GPAT2: variants seen among roughly 807,000 people sequenced by gnomAD.
The protein encoded by GPAT2 is 1-acylglycerol-3-phosphate O-acyltransferase GPAT2.
A neutral mutation model predicts 71.0 loss-of-function variants in GPAT2; 51 were observed. The ratio of observed to expected loss-of-function variants is 0.72; its 90% CI spans 0.57 to 0.91. The LOEUF (loss-of-function observed/expected upper bound fraction) is 0.91, where lower values mean the gene tolerates loss of function less well. Ranked by LOEUF, GPAT2 falls within the 40% of genes least tolerant of loss-of-function variation. The pLI is 0.00. For synonymous variants in GPAT2, 222 were observed against 290.3 expected, an observed-to-expected ratio of 0.76 and a Z score of 2.39; for missense variants, 511 against 666.0, an observed-to-expected ratio of 0.77 and a Z score of 2.56.
rs768845945 is a variant in GPAT2 at position 96,023,352 on chromosome 2, C to T, written c.2003G>A (p.Ser668Asn). ...LWKPSGDFTDSDSDDFGEADG... is the reference protein window; with the variant it reads ...LWKPSGDFTDNDSDDFGEADG... ...AGCCTCTCCGAAGTCATCACTGTCA[C>T]TATCAGTAAAGTCCCCACTCGGTTT... The change falls in exon 18 of 22, where the codon AGT becomes AAT. Residue 668 changes from serine to asparagine, a missense_variant. By Grantham distance (46) the Ser-to-Asn change is conservative (BLOSUM62 1). Coordinates refer to ENST00000434632, the MANE Select transcript of GPAT2 (RefSeq NM_001321527.2). 1 of 1,614,226 alleles carries T rather than the reference C, an allele frequency of 6.2e-7. No homozygotes were observed. Among genetic ancestry groups the T allele is most frequent in the Non-Finnish European group, 8.5e-7 (1 of 1,180,030 alleles).
At chr2:96,024,992 C>T in intron 13 of GPAT2, 149 bp from the exon 14 acceptor site, 1 of 919,474 alleles carries the variant, frequency 1.1e-6, no homozygotes. Context: ...TTTATCATCA[C>T]ACAGGCTGAG....
In GPAT2 at chr2:96,025,913, C is replaced by T. The variant is rs142763165; in HGVS notation, c.1238+17G>A. 6.2e-3 allele frequency: 9,958 copies of T among 1,610,846 alleles called. 98 individuals are homozygous for T. Among genetic ancestry groups the T allele is most frequent in the Non-Finnish European group, 5.2e-3 (6,099 of 1,178,784 alleles). ...GCTTGCCTTGCCCCCTGAGACCCCA[C>T]GCTCCTGTGCCCCTACCATTGGCCC... is the stretch of plus-strand genomic sequence containing the variant. On this transcript the variant is annotated intron_variant, in intron 12 of 21. Coordinates refer to ENST00000434632, the MANE Select transcript of GPAT2 (RefSeq NM_001321527.2).
intron 12 of GPAT2, 70 bp from the exon 13 acceptor site, chr2:96,025,673 T>C: frequency 7.4e-7 from 1 of 1,354,762 alleles, no homozygotes; most frequent in Non-Finnish European, 1.0e-6. Flanking sequence ...TGCCTAGAGC[T>C]TTCTAAAAGG....
rs140619742 is a variant in GPAT2 at position 96,024,856 on chromosome 2, G to A, written c.1358-13C>T. On this transcript the variant is annotated splice_polypyrimidine_tract_variant and intron_variant, in intron 13 of 21. Coordinates refer to ENST00000434632, the MANE Select transcript of GPAT2 (RefSeq NM_001321527.2). ...CTCCCTACACTGGCTGGAGTGGGGC[G>A]GGGGGTGGAGATGCTGGTCAGGTTG... 4.4e-5 allele frequency: 71 copies of A among 1,611,840 alleles called. No homozygotes were observed. The highest frequency in any genetic ancestry group is 6.7e-5 in the African/African-American group (5 of 74,858).
At position 96,023,980 on chromosome 2, in the gene GPAT2, G is replaced by C; in HGVS notation, c.1857C>G (p.Cys619Trp). 1 of 1,604,520 alleles carries C rather than the reference G, an allele frequency of 6.2e-7. No homozygotes were observed. The highest frequency in any genetic ancestry group is 8.5e-7 in the Non-Finnish European group (1 of 1,175,792). The change falls in exon 17 of 22, where the codon TGC (cysteine) becomes TGG (tryptophan). Residue 619 changes from cysteine (C) to tryptophan (W), a missense_variant. By Grantham distance (215) the Cys-to-Trp change is radical. Transcript: ENST00000434632. The part of the protein sequence containing the change: ...LLLKPCQSSY[C>W]YCQEVLDRLI... ...GCCGGTCCAGCACCTCCTGACAGTA[G>C]CAGTAGGAAGACTGGCAGGGCTGGG...
chr2:96,024,137 A>G (rs2104617262), intron 16 of GPAT2, 52 bp downstream of exon 16: 2 of 1,522,294 alleles, frequency 1.3e-6, no homozygotes, highest in Non-Finnish European at 1.8e-6. Context: ...GGCCATTCCT[A>G]CCACCAAGAG....
At chr2:96,023,889 A>C in intron 17 of GPAT2, 34 bp downstream of exon 17, 4 of 1,554,440 alleles carry the variant, frequency 2.6e-6, no homozygotes, top group Non-Finnish European at 3.5e-6. Flanking sequence ...GCCAGGCTCC[A>C]GGCAAGGATC....
chr2:96,026,742 G>T lies in GPAT2; in HGVS notation c.987C>A (p.Ala329=). The part of the protein sequence containing the change: ...IVPDALLVPV[A]VTYDLVPDAP... ...CATCCGGAACCAGGTCATAGGTGAC[G>T]GCCACTGGTACCAGCAGAGCATCTG... Residue 329 remains alanine (A), a synonymous_variant, in exon 10 of 22, where the codon GCC becomes GCA. Coordinates refer to ENST00000434632, the MANE Select transcript of GPAT2 (RefSeq NM_001321527.2). 1.5e-5 allele frequency: 1 copy of T among 66,956 alleles called. No individual in the cohort carries two copies. Among genetic ancestry groups the T allele is most frequent in the Non-Finnish European group, 2.4e-5 (1 of 40,888 alleles). The allele number at this position is 66,956 out of a possible 1,614,324, so 4.1% of individuals were successfully genotyped here. A position where few individuals can be genotyped will look rare whatever the true frequency, so the allele number is the denominator to read the frequency against.
rs1421478683 is a variant in GPAT2, at chr2:96,026,434, C to T, written c.1033-129G>A. 44 of 843,328 alleles carry T rather than the reference C, an allele frequency of 5.2e-5. No homozygotes were observed. In the African/African-American group the frequency reaches 7.8e-4, roughly 15 times the overall value. The allele number at this position is 843,328 out of a possible 1,614,324, so 52.2% of individuals were successfully genotyped here. A position where few individuals can be genotyped will look rare whatever the true frequency, so the allele number is the denominator to read the frequency against. On this transcript the variant is annotated intron_variant, in intron 10 of 21. Transcript: ENST00000434632. ...ACCCTGCTCAGTTTTATCTCAGGCC[C>T]AAACTGGTGCGTGACCTTGTCCCAA...
rs371035222 is a variant in GPAT2, at chr2:96,023,372, C to T, written c.1983G>A (p.Pro661=). 5.8e-5 allele frequency: 93 copies of T among 1,614,084 alleles called. No individual in the cohort carries two copies. In the African/African-American group the frequency reaches 9.1e-4, roughly 16 times the overall value. Residue 661 remains proline, a synonymous_variant, in exon 18 of 22, where the codon CCG becomes CCA. Coordinates refer to ENST00000434632, the MANE Select transcript of GPAT2 (RefSeq NM_001321527.2). ...QRLSRKLLWK[P]SGDFTDSDSD... ...TGTCACTATCAGTAAAGTCCCCACT[C>T]GGTTTCCACAGCAGCTTTCTGCTCA...
chr2:96,024,837 A>G lies in GPAT2; in HGVS notation c.1364T>C (p.Val455Ala), dbSNP rs1022605020. Residue 455 changes from valine to alanine, a missense_variant, in exon 14 of 22, where the codon GTA becomes GCA. Physicochemically the swap from Val to Ala is moderately conservative, Grantham distance 64 (BLOSUM62 0). Coordinates refer to ENST00000434632, the MANE Select transcript of GPAT2 (RefSeq NM_001321527.2). ...RLSCHVLSAS[V>A]GSSAVMSTAI... ...CGTGCTCATCACCGCAGAGCTCCCT[A>G]CACTGGCTGGAGTGGGGCGGGGGGT... 6 of 1,612,880 alleles carry G rather than the reference A, an allele frequency of 3.7e-6. No homozygotes were observed. The African/African-American group carries it at 4.0e-5, about 11-fold the overall frequency.
At chr2:96,031,931 G>C (rs897553128) in intron 3 of GPAT2, 102 bp downstream of exon 3, 1 of 1,335,096 alleles carries the variant, frequency 7.5e-7, no homozygotes, top group Non-Finnish European at 1.0e-6. Context: ...GCATGGGGCA[G>C]GGAAGAGCCA....
intron 13 of GPAT2, 107 bp downstream of exon 13, chr2:96,025,378 A>G (rs538606052): frequency 3.9e-5 from 54 of 1,395,320 alleles, no homozygotes; most frequent in Middle Eastern, 2.6e-4. Flanking sequence ...ATCACAGAGC[A>G]CCTCAGGTGC....
In GPAT2 at chr2:96,026,183, C is replaced by G. The variant is rs1680384131; in HGVS notation, c.1155G>C (p.Gln385His). ...CAGCCTTCCCCAGCTGGCTCCATAC[C>G]TGCAGGGAAAAGGGCTGAGCTAGGT... ...RVHLAQPFSL[Q>H]EYIVSARSCW... The change falls in exon 11 of 22, where the codon CAG becomes CAC. Residue 385 changes from glutamine to histidine, a missense_variant and splice_region_variant. Physicochemically the swap from Gln to His is conservative, Grantham distance 24. Around this residue, in one of 7 missense-constraint regions of GPAT2, gnomAD observed 79 missense variants for 111.4 expected, o/e 0.71. Coordinates refer to ENST00000434632, the MANE Select transcript of GPAT2 (RefSeq NM_001321527.2). 1 of 1,604,732 alleles carries G rather than the reference C, an allele frequency of 6.2e-7. No homozygotes were observed. The highest frequency in any genetic ancestry group is 2.2e-5 in the East Asian group (1 of 44,758).
chr2:96,022,993 A>C lies in GPAT2; in HGVS notation c.2198T>G (p.Phe733Cys), dbSNP rs1053971939. 1.2e-5 allele frequency: 20 copies of C among 1,613,814 alleles called. No homozygotes were observed. In the Admixed American group the frequency reaches 2.0e-4, roughly 16 times the overall value. ...ELGYTEQLFQ[F>C]LQATAQEEGI... The stretch of plus-strand genomic sequence containing the variant: ...TTCTTCCTGGGCGGTGGCCTGCAGG[A>C]ACTGGAACAGCTGCTCTGTGTAGCC... The change falls in exon 20 of 22, where the codon TTC becomes TGC. Residue 733 changes from phenylalanine to cysteine, a missense_variant. Phe to Cys is a radical substitution (Grantham distance 205). Around this residue, in one of 7 missense-constraint regions of GPAT2, gnomAD observed 108 missense variants for 117.6 expected, o/e 0.92. Transcript: ENST00000434632.
chr2:96,024,073 C>G lies in GPAT2; in HGVS notation c.1837-73G>C, dbSNP rs528448646. 471 of 1,594,270 alleles carry G rather than the reference C, an allele frequency of 3.0e-4. 1 individual carries two copies. Among genetic ancestry groups the G allele is most frequent in the South Asian group, 3.9e-4 (34 of 88,242 alleles). On this transcript the variant is annotated intron_variant, in intron 16 of 21. Coordinates refer to ENST00000434632, the MANE Select transcript of GPAT2 (RefSeq NM_001321527.2). ...GGCAGGGGCCTAGCCAAAGACCGGG[C>G]AAGGCCACACCTACTACCCAGGAGG...
At chr2:96,024,719 C>A in intron 14 of GPAT2, 34 bp from the exon 15 acceptor site, 1 of 1,613,204 alleles carries the variant, frequency 6.2e-7, no homozygotes, top group Non-Finnish European at 8.5e-7. Context: ...GCAGCAGGGC[C>A]ACACATCGCC....
chr2:96,023,932 A>C lies in GPAT2; in HGVS notation c.1905T>G (p.Val635=). The change falls in exon 17 of 22, where the codon GTT becomes GTG. Residue 635 remains valine (V), a synonymous_variant. Transcript: ENST00000434632. ...LDRLIQCGLL[V]AEETPGSRPA... The stretch of plus-strand genomic sequence containing the variant: ...CAACTGCCCTGCCTACCTCCTCAGC[A>C]ACCAGGAGCCCGCATTGGATGAGCC... 1 of 1,600,868 alleles carries C rather than the reference A, an allele frequency of 6.2e-7. No homozygotes were observed. Among genetic ancestry groups the C allele is most frequent in the Non-Finnish European group, 8.5e-7 (1 of 1,174,150 alleles).
chr2:96,024,981 G>A, intron 13 of GPAT2, 138 bp from the exon 14 acceptor site: 2 of 994,784 alleles, frequency 2.0e-6, no homozygotes, highest in East Asian at 2.5e-5. Flanking sequence ...GAGCAGTGGT[G>A]TTTATCATCA....
Sources: allele counts gnomAD v4.1 joint callset, GRCh38; gene constraint gnomAD v4.1.1; regional missense constraint gnomAD v4.1.1; transcripts MANE v1.5; gene names NCBI Gene and HGNC (gene_info 2026-07-23, HGNC 2026-07-21).